ACVR1: variants seen among roughly 807,000 people sequenced by gnomAD.
ACVR1 encodes the protein activin receptor type-1.
Under a neutral mutation model 57.1 loss-of-function variants are expected in ACVR1, and 38 were observed. That is an observed-to-expected ratio of 0.67 (90% confidence interval 0.51 to 0.87). The LOEUF (loss-of-function observed/expected upper bound fraction) is 0.87. Among genes scored for constraint, ACVR1 ranks in the 40% least tolerant of loss-of-function variants. ACVR1 has a pLI of 0.00. For missense variants in ACVR1, 463 were observed against 638.2 expected, an observed-to-expected ratio of 0.73 and a Z score of 2.96; for synonymous variants, 212 against 228.1, an observed-to-expected ratio of 0.93 and a Z score of 0.63.
intron 3 of ACVR1, among the ~76,000 whole-genome samples, chr2:157,792,866 T>C (rs542990734): frequency 3.3e-5 from 5 of 152,328 alleles, no homozygotes; most frequent in Admixed American, 6.5e-5. Context: ...AGTCAAAAGT[T>C]TGAAAGCCAC....
At chr2:157,835,003 G>T (rs1688728555) in intron 1 of ACVR1, among the ~76,000 whole-genome samples, 3 of 152,182 alleles carry the variant, frequency 2.0e-5, no homozygotes. Context: ...CTCCAGAACT[G>T]TGTAAAATAA....
intron 2 of ACVR1, among the ~76,000 whole-genome samples, chr2:157,809,841 G>A (rs1687689002): frequency 6.6e-6 from 1 of 152,120 alleles, no homozygotes. Context: ...TTGGGAGGCT[G>A]AGGCAGGAGG....
intron 9 of ACVR1, among the ~76,000 whole-genome samples, chr2:157,749,784 C>T (rs552741750): frequency 6.6e-6 from 1 of 152,212 alleles, no homozygotes; most frequent in Non-Finnish European, 1.5e-5. Flanking sequence ...GAAAGGCTTC[C>T]GCCACCAAGA....
At chr2:157,860,966 A>G (rs1289916183) in intron 1 of ACVR1, among the ~76,000 whole-genome samples, 1 of 152,178 alleles carries the variant, frequency 6.6e-6, no homozygotes, top group Non-Finnish European at 1.5e-5. Context: ...CTGCTGACCC[A>G]AGGACCACAC....
chr2:157,783,968 A>G (rs578104483), intron 3 of ACVR1, among the ~76,000 whole-genome samples: 1 of 152,330 alleles, frequency 6.6e-6, no homozygotes, highest in South Asian at 2.1e-4. Context: ...CACCTTGGCA[A>G]TTTCATCTGA....
chr2:157,861,040 G>A (rs566260770), intron 1 of ACVR1, among the ~76,000 whole-genome samples: 1 of 152,256 alleles, frequency 6.6e-6, no homozygotes, highest in South Asian at 2.1e-4. Context: ...GAAAGCCTCT[G>A]TGCCTAGAAG....
intron 1 of ACVR1, among the ~76,000 whole-genome samples, chr2:157,844,549 T>C (rs572570995): frequency 8.0e-4 from 122 of 152,334 alleles, no homozygotes; most frequent in African/African-American, 2.8e-3. Flanking sequence ...TATTTCAAGT[T>C]AAAATTCTGA....
intron 1 of ACVR1, among the ~76,000 whole-genome samples, chr2:157,859,702 G>A (rs1298462059): frequency 1.3e-5 from 2 of 152,044 alleles, no homozygotes; most frequent in African/African-American, 2.4e-5. Flanking sequence ...CCTGAAATCT[G>A]CAATATCCTT....
intron 1 of ACVR1, among the ~76,000 whole-genome samples, chr2:157,822,764 T>A (rs978228175): frequency 1.3e-5 from 2 of 152,214 alleles, no homozygotes; most frequent in Non-Finnish European, 1.5e-5. Context: ...ATGACTGCTT[T>A]CACACTGAAA....
rs959220429 is a variant in ACVR1, at chr2:157,746,682, C to G, written c.1265-8112G>C. On this transcript the variant is annotated intron_variant, in intron 9 of 10. Coordinates refer to ENST00000434821, the MANE Select transcript of ACVR1 (RefSeq NM_001111067.4). ...AATCAGAAATGCTGGGGCTGGGCCC[C>G]GGGAATCTGTGTCTTCAGTACTCTA... 5.3e-5 allele frequency among the ~76,000 whole-genome samples: 8 copies of G among 152,354 alleles called. No individual in the cohort carries two copies. In the East Asian group the frequency reaches 1.5e-3, roughly 29 times the overall value.
At chr2:157,855,343 C>A (rs373594546) in intron 1 of ACVR1, among the ~76,000 whole-genome samples, 1,256 of 119,334 alleles carry the variant, frequency 0.011, 43 homozygotes, top group African/African-American at 0.034. Flanking sequence ...CACACACACA[C>A]ACAAAAATTA....
chr2:157,823,825 G>A (rs934947395), intron 1 of ACVR1, among the ~76,000 whole-genome samples: 1 of 152,084 alleles, frequency 6.6e-6, no homozygotes, highest in Non-Finnish European at 1.5e-5. Context: ...ATTTACTCCT[G>A]CCAGAAATAT....
intron 9 of ACVR1, among the ~76,000 whole-genome samples, chr2:157,756,405 T>C (rs151221827): frequency 6.6e-6 from 1 of 152,138 alleles, no homozygotes; most frequent in African/African-American, 2.4e-5. Flanking sequence ...TCACAATCTA[T>C]ACATCCGACA....
chr2:157,792,530 T>C (rs1298819040), intron 3 of ACVR1, among the ~76,000 whole-genome samples: 1 of 152,322 alleles, frequency 6.6e-6, no homozygotes, highest in African/African-American at 2.4e-5. Flanking sequence ...CCAGATGACC[T>C]ATGGTCAGGT....
At chr2:157,810,301 C>T (rs1009625588) in intron 2 of ACVR1, among the ~76,000 whole-genome samples, 5 of 152,142 alleles carry the variant, frequency 3.3e-5, no homozygotes, top group African/African-American at 1.2e-4. Flanking sequence ...ATATACAAGA[C>T]TGCCATTTAA....
At chr2:157,864,838 A>C (rs991384950) in intron 1 of ACVR1, among the ~76,000 whole-genome samples, 5 of 152,146 alleles carry the variant, frequency 3.3e-5, no homozygotes, top group African/African-American at 4.8e-5. Context: ...TATAAAAATA[A>C]AACTTTTTCC....
intron 3 of ACVR1, among the ~76,000 whole-genome samples, chr2:157,786,063 G>C (rs1052270233): frequency 1.3e-5 from 2 of 152,156 alleles, no homozygotes; most frequent in Non-Finnish European, 2.9e-5. Context: ...CTTCCACTTT[G>C]AATGCTTATC....
chr2:157,826,269 G>A (rs1688347643), intron 1 of ACVR1, among the ~76,000 whole-genome samples: 1 of 152,140 alleles, frequency 6.6e-6, no homozygotes, highest in Non-Finnish European at 1.5e-5. Flanking sequence ...CTTGAAAGTA[G>A]GAACTCTGTG....
intron 1 of ACVR1, among the ~76,000 whole-genome samples, chr2:157,855,300 G>GTA (rs1689477965): frequency 5.8e-5 from 4 of 69,292 alleles, no homozygotes; most frequent in African/African-American, 2.6e-4. Flanking sequence ...GTGTGTGTGT[G>GTA]TGTGTGTGTA....
Sources: allele counts gnomAD v4.1 joint callset (sites outside exome capture counted in the v4.1 genomes callset), GRCh38; gene constraint gnomAD v4.1.1; transcripts MANE v1.5; gene names NCBI Gene and HGNC (gene_info 2026-07-23, HGNC 2026-07-21).